The following ASPSCR1 variants were observed in gnomAD, a reference collection of about 807,000 sequenced individuals.
ASPSCR1 encodes tether containing UBX domain for GLUT4.
In ASPSCR1, 55 loss-of-function variants were observed where a neutral mutation model predicts 68.9. The ratio of observed to expected loss-of-function variants is 0.80; its 90% CI spans 0.64 to 1.00. The LOEUF (loss-of-function observed/expected upper bound fraction) is 1.00, where lower values mean the gene tolerates loss of function less well. ASPSCR1 is among the 50% of genes least tolerant of loss of function. The pLI, the probability that ASPSCR1 is intolerant of heterozygous loss-of-function variation, is 0.00. For synonymous variants in ASPSCR1, 352 were observed against 332.6 expected, an observed-to-expected ratio of 1.06 and a Z score of -0.63; for missense variants, 765 against 762.2, an observed-to-expected ratio of 1.00 and a Z score of -0.04.
chr17:81,996,614 C>A lies in ASPSCR1; in HGVS notation c.701C>A (p.Thr234Lys). Residue 234 changes from threonine (T) to lysine (K), a missense_variant, in exon 7 of 16, where the codon ACA becomes AAA. Transcript: ENST00000306739. ...GAGCACACTCAGGAGAAGCAGAGCA[C>A]AAGGGCACCCGCAGCTGCCCCCTTT... is the stretch of plus-strand genomic sequence containing the variant. ...CCEHTQEKQS[T>K]RAPAAAPFVP... is the part of the protein sequence containing the mutation. 1 of 1,611,748 alleles carries A rather than the reference C, an allele frequency of 6.2e-7. No individual in the cohort carries two copies. Among genetic ancestry groups the A allele is most frequent in the Non-Finnish European group, 8.5e-7 (1 of 1,178,606 alleles).
intron 9 of ASPSCR1, 63 bp from the exon 10 acceptor site, chr17:82,010,739 C>T: frequency 6.5e-7 from 1 of 1,547,004 alleles, no homozygotes. Flanking sequence ...AGTGGGGAGG[C>T]CACGCCCTGG....
In ASPSCR1 at chr17:81,999,828, G is replaced by A. The variant is rs930390986; in HGVS notation, c.933+2982G>A. ...TGCCTCCCGGCCACACACCTGGGAG[G>A]GCAGAGGCCGGGCGTCTGCACCGTG... On this transcript the variant is annotated intron_variant, in intron 7 of 15. Transcript: ENST00000306739. The surrounding 1 kb of genome is among the most constrained non-coding windows in gnomAD (Gnocchi z 4.4). Among the ~76,000 whole-genome samples, 11 of 152,122 alleles carry A rather than the reference G, an allele frequency of 7.2e-5. No homozygotes were observed. Among genetic ancestry groups the A allele is most frequent in the African/African-American group, 2.7e-4 (11 of 41,420 alleles).
chr17:81,985,051 C>T (rs542032933), intron 3 of ASPSCR1, among the ~76,000 whole-genome samples: 2 of 134,912 alleles, frequency 1.5e-5, no homozygotes, highest in South Asian at 2.5e-4. Context: ...CTCCCCCCCA[C>T]ACACACCCAC....
At chr17:82,009,295 A>G in intron 8 of ASPSCR1, 104 bp downstream of exon 8, 1 of 1,451,296 alleles carries the variant, frequency 6.9e-7, no homozygotes, top group Non-Finnish European at 9.2e-7. Flanking sequence ...CTCCCGGCCC[A>G]GGTCCCTGAC....
chr17:81,996,503 G>A lies in ASPSCR1; in HGVS notation c.590G>A (p.Ser197Asn). 1 of 1,612,354 alleles carries A rather than the reference G, an allele frequency of 6.2e-7. No individual in the cohort carries two copies. Among genetic ancestry groups the A allele is most frequent in the Non-Finnish European group, 8.5e-7 (1 of 1,179,498 alleles). Residue 197 changes from serine to asparagine, a missense_variant, in exon 7 of 16, where the codon AGC becomes AAC. Transcript: ENST00000306739. ...SSASAGQAAA[S>N]APLPLESGEL... Reference sequence around the variant, plus strand: ...GCGTCGGCTGGCCAGGCAGCCGCCAGCGCTCCACTTCCCTTGGAATCTGGG... The same window carrying A: ...GCGTCGGCTGGCCAGGCAGCCGCCAACGCTCCACTTCCCTTGGAATCTGGG...
intron 12 of ASPSCR1, 137 bp from the exon 13 acceptor site, chr17:82,016,339 G>A (rs2043124855): frequency 2.0e-5 from 15 of 754,598 alleles, no homozygotes; most frequent in African/African-American, 3.5e-5. Flanking sequence ...GAAGCTGGGC[G>A]ATGGGCTCAT....
At chr17:81,982,081 A>G (rs147647132) in intron 2 of ASPSCR1, among the ~76,000 whole-genome samples, 1,551 of 151,252 alleles carry the variant, frequency 0.01, 23 homozygotes, top group African/African-American at 0.036. Context: ...CACTCCTCCC[A>G]CTTCAGCCTC....
intron 9 of ASPSCR1, among the ~76,000 whole-genome samples, chr17:82,010,552 A>AAC (rs1160040804): frequency 4.6e-5 from 7 of 150,740 alleles, no homozygotes; most frequent in African/African-American, 1.7e-4. Flanking sequence ...AAAAAAAAAA[A>AAC]CCAGCACATT....
intron 13 of ASPSCR1, 122 bp downstream of exon 13, chr17:82,016,649 G>A (rs2043137231): frequency 1.4e-5 from 21 of 1,455,224 alleles, no homozygotes; most frequent in South Asian, 3.7e-5. Context: ...GGAGATCTGC[G>A]GCCCCCAGTA....
chr17:81,995,342 C>A (rs189162027), intron 5 of ASPSCR1: 1 of 293,690 alleles, frequency 3.4e-6, no homozygotes, highest in African/African-American at 2.2e-5. Context: ...CCGCATTTAT[C>A]CCCATTTGGA....
At chr17:81,998,293 T>C (rs1375155362) in intron 7 of ASPSCR1, among the ~76,000 whole-genome samples, 2 of 152,202 alleles carry the variant, frequency 1.3e-5, no homozygotes, top group Non-Finnish European at 2.9e-5. Context: ...TTTATAATAT[T>C]GTGGATAGTA....
intron 4 of ASPSCR1, among the ~76,000 whole-genome samples, chr17:81,992,290 G>C (rs1199018176): frequency 1.3e-5 from 2 of 152,158 alleles, no homozygotes; most frequent in African/African-American, 2.4e-5. Flanking sequence ...ATTTCCCCCG[G>C]GCCCTGGCGT....
chr17:82,013,123 G>C (rs2043005357), intron 12 of ASPSCR1: 1 of 152,312 alleles, frequency 6.6e-6, no homozygotes, highest in South Asian at 2.1e-4. Flanking sequence ...CAGCTGCCAG[G>C]GGTGATCAGG....
chr17:82,000,814 C>T (rs996676837), intron 7 of ASPSCR1, among the ~76,000 whole-genome samples: 15 of 152,030 alleles, frequency 9.9e-5, no homozygotes, highest in African/African-American at 3.4e-4. Flanking sequence ...CTGCCCGGCG[C>T]CCCCTGGCCC....
rs910266113 is a variant in ASPSCR1 at position 82,016,115 on chromosome 17, C to T, written c.1354-361C>T. Reference sequence around the variant, plus strand: ...CCAGCCTGGCAGCTGCACCCCTCCACGGTGGTCCCGGCGCATCCGCCAGGA... The same window carrying T: ...CCAGCCTGGCAGCTGCACCCCTCCATGGTGGTCCCGGCGCATCCGCCAGGA... On this transcript the variant is annotated intron_variant, in intron 12 of 15. Transcript: ENST00000306739. 4.8e-5 allele frequency: 13 copies of T among 270,624 alleles called. No individual in the cohort carries two copies. The East Asian group carries it at 4.8e-4, about 10-fold the overall frequency. 16.8% of individuals were successfully genotyped at this position (270,624 alleles called of 1,614,324 possible).
intron 8 of ASPSCR1, 71 bp downstream of exon 8, chr17:82,009,262 G>C: frequency 6.7e-7 from 1 of 1,495,578 alleles, no homozygotes; most frequent in Non-Finnish European, 9.0e-7. Context: ...TGTGCTGCCC[G>C]CTGTCCCCAG....
chr17:81,989,748 G>A lies in ASPSCR1; in HGVS notation c.374+4141G>A, dbSNP rs75454886. 6.9e-3 allele frequency among the ~76,000 whole-genome samples: 1,045 copies of A among 152,294 alleles called. 4 individuals are homozygous for A. The highest frequency in any genetic ancestry group is 0.012 in the Non-Finnish European group (825 of 68,020). On this transcript the variant is annotated intron_variant, in intron 4 of 15. Transcript: ENST00000306739. ...AGCACGCAGCCCTGGCCCGACCAGC[G>A]TCTCAAGCAGCAGGGGCCTCAGGGA...
chr17:81,984,936 C>CAA (rs1165012457), intron 3 of ASPSCR1, among the ~76,000 whole-genome samples: 1 of 125,022 alleles, frequency 8.0e-6, no homozygotes, highest in Non-Finnish European at 1.7e-5. Context: ...CACCCCCACA[C>CAA]CCGCACACAC....
chr17:81,996,493 G>A lies in ASPSCR1; in HGVS notation c.580G>A (p.Ala194Thr). The A allele has an allele frequency of 6.2e-7, 1 of 1,611,560 alleles. No homozygotes were observed. Among genetic ancestry groups the A allele is most frequent in the Non-Finnish European group, 8.5e-7 (1 of 1,179,174 alleles). ...GGGCTCGTCAGCGTCGGCTGGCCAG[G>A]CAGCCGCCAGCGCTCCACTTCCCTT... ...SLGSSASAGQ[A>T]AASAPLPLES... The change falls in exon 7 of 16, where the codon GCA (alanine) becomes ACA (threonine). Residue 194 changes from alanine to threonine, a missense_variant. Ala to Thr is a moderately conservative substitution (Grantham distance 58). Coordinates refer to ENST00000306739, the MANE Select transcript of ASPSCR1 (RefSeq NM_024083.4).
Sources: gnomAD v4.1 joint callset for allele counts (sites outside exome capture counted in the v4.1 genomes callset) on GRCh38, gnomAD v4.1.1 for gene constraint, Gnocchi (gnomAD v3.1) non-coding constraint, MANE v1.5 for transcripts, NCBI Gene and HGNC (gene_info 2026-07-23, HGNC 2026-07-21) for gene names.